PTPRF: variants seen among roughly 807,000 people sequenced by gnomAD.
PTPRF encodes receptor-type tyrosine-protein phosphatase F.
In PTPRF, 59 loss-of-function variants were observed where a neutral mutation model predicts 201.8. That is an observed-to-expected ratio of 0.29 (90% CI 0.24 to 0.36). The LOEUF (loss-of-function observed/expected upper bound fraction) is 0.36, where lower values mean the gene tolerates loss of function less well. Ranked by LOEUF, PTPRF falls within the 10% of genes least tolerant of loss-of-function variation. The pLI, the probability that PTPRF is intolerant of heterozygous loss-of-function variation, is 1.00. For missense variants in PTPRF, 2,132 were observed against 2,690.5 expected, an observed-to-expected ratio of 0.79 and a Z score of 4.59; for synonymous variants, 1,088 against 1,089.7, an observed-to-expected ratio of 1.00 and a Z score of 0.03.
At chr1:43,529,830 A>G (rs538368362), upstream of PTPRF, among the ~76,000 whole-genome samples, 14 of 152,332 alleles carry the variant, frequency 9.2e-5, no homozygotes, top group African/African-American at 3.1e-4. Flanking sequence ...TTCTAGGGTC[A>G]TTATTTGAGT....
At position 43,603,813 on chromosome 1, in the gene PTPRF, C is replaced by T. The variant is rs375742155; in HGVS notation, c.2661C>T (p.Thr887=). The change falls in exon 16 of 34, where the codon ACC becomes ACT. Residue 887 remains threonine (T), a synonymous_variant. Transcript: ENST00000359947. The surrounding 1 kb of genome is among the most constrained non-coding windows in gnomAD (Gnocchi z 5.8). ...TCACCGGCCTGCACAAGGGGACCAC[C>T]TACATCTTCCGGCTTGCTGCCAAGA... ...FTVTGLHKGT[T]YIFRLAAKNR... is the part of the protein sequence containing the mutation. 727 of 1,614,026 alleles carry T rather than the reference C, an allele frequency of 4.5e-4. 3 individuals are homozygous for T. The highest frequency in any genetic ancestry group is 5.9e-4 in the Non-Finnish European group (691 of 1,180,040).
chr1:43,587,061 C>T (rs1008555254), intron 7 of PTPRF, among the ~76,000 whole-genome samples: 2 of 152,196 alleles, frequency 1.3e-5, no homozygotes, highest in African/African-American at 4.8e-5. Context: ...ACCTGTCAGG[C>T]CTGGTCTCTG....
In PTPRF at chr1:43,588,168, C is replaced by A. The variant is rs553094109; in HGVS notation, c.680-563C>A. On this transcript the variant is annotated intron_variant, in intron 7 of 33. Transcript: ENST00000359947. The surrounding 1 kb of genome is among the most constrained non-coding windows in gnomAD (Gnocchi z 5.3). The stretch of plus-strand genomic sequence containing the variant: ...TGAGCATGGCTGAGACCCTGGCAGG[C>A]GGCCCTGCTGCTTGCCTTATTTCTT... 6.6e-6 allele frequency among the ~76,000 whole-genome samples: 1 copy of A among 152,170 alleles called. No individual in the cohort carries two copies. Among genetic ancestry groups the A allele is most frequent in the Admixed American group, 6.5e-5 (1 of 15,282 alleles).
chr1:43,604,481 G>C, intron 16 of PTPRF, among the ~76,000 whole-genome samples: 1 of 152,120 alleles, frequency 6.6e-6, no homozygotes, highest in East Asian at 1.9e-4. Flanking sequence ...GCAACCTCCT[G>C]ATCTTTGGTG....
chr1:43,585,336 G>A (rs1478770951), intron 7 of PTPRF, among the ~76,000 whole-genome samples: 1 of 152,166 alleles, frequency 6.6e-6, no homozygotes, highest in Non-Finnish European at 1.5e-5. Flanking sequence ...AATACAAGGA[G>A]GTTGTCCCTT....
chr1:43,598,988 A>T, intron 13 of PTPRF, 75 bp downstream of exon 13: 1 of 1,482,626 alleles, frequency 6.7e-7, no homozygotes, highest in Non-Finnish European at 9.2e-7. Flanking sequence ...TGGGGCCCAG[A>T]TATGTCCCTC....
At chr1:43,551,510 G>T (rs751202743) in intron 3 of PTPRF, among the ~76,000 whole-genome samples, 8 of 152,088 alleles carry the variant, frequency 5.3e-5, no homozygotes, top group Non-Finnish European at 8.8e-5. Context: ...GCCTCCCTGA[G>T]CTGGCTGCCC....
intron 5 of PTPRF, among the ~76,000 whole-genome samples, chr1:43,568,992 G>A (rs950269705): frequency 6.6e-6 from 1 of 152,230 alleles, no homozygotes; most frequent in Admixed American, 6.5e-5. Flanking sequence ...CTGCAGTAAC[G>A]AATAGGTCAA....
chr1:43,593,503 G>A (rs1651418136), intron 11 of PTPRF, among the ~76,000 whole-genome samples: 1 of 152,250 alleles, frequency 6.6e-6, no homozygotes, highest in Admixed American at 6.5e-5. Flanking sequence ...GACTCTGTGT[G>A]ATAGGGTGTC....
At chr1:43,597,354 G>A (rs12026752) in intron 11 of PTPRF, among the ~76,000 whole-genome samples, 16,499 of 152,028 alleles carry the variant, frequency 0.11, 1,084 homozygotes, top group African/African-American at 0.18. Flanking sequence ...ATGTATGTGT[G>A]TGACACTGTG....
intron 22 of PTPRF, chr1:43,612,731 G>T: frequency 7.4e-7 from 1 of 1,355,764 alleles, no homozygotes; most frequent in Non-Finnish European, 9.8e-7. Flanking sequence ...TTGCCCCGTT[G>T]TTTTTTTCGT....
Position 43,588,823 on chromosome 1 carries a change from G to A in PTPRF, c.772G>A (p.Ala258Thr). Residue 258 changes from alanine (A) to threonine (T), a missense_variant, in exon 8 of 34, where the codon GCA (alanine) becomes ACA (threonine). Physicochemically the swap from Ala to Thr is moderately conservative, Grantham distance 58 (BLOSUM62 0). Around this residue, in one of 6 missense-constraint regions of PTPRF, gnomAD observed 297 missense variants for 454.0 expected, o/e 0.65. Transcript: ENST00000359947. The surrounding 1 kb of genome is among the most constrained non-coding windows in gnomAD (Gnocchi z 5.3). Reference sequence around the variant, plus strand: ...GAACCTGACATGCGTGGCAGTGGGTGCACCCATGCCCTACGTGAAGTGGAT... The same window carrying A: ...GAACCTGACATGCGTGGCAGTGGGTACACCCATGCCCTACGTGAAGTGGAT... ...SVNLTCVAVGAPMPYVKWMMG... is the reference protein window; with the variant it reads ...SVNLTCVAVGTPMPYVKWMMG... 2 of 1,614,112 alleles carry A rather than the reference G, an allele frequency of 1.2e-6. No homozygotes were observed. The highest frequency in any genetic ancestry group is 4.5e-5 in the East Asian group (2 of 44,880).
At position 43,572,072 on chromosome 1, in the gene PTPRF, CG is replaced by C. The variant is rs1222493807; in HGVS notation, c.568+2296del. 3.9e-5 allele frequency among the ~76,000 whole-genome samples: 6 copies of C among 152,338 alleles called. No individual in the cohort carries two copies. In the South Asian group the frequency reaches 1.2e-3, roughly 32 times the overall value. Reference sequence around the variant, plus strand: ...CCCGTCCTTGGTCCTTGCCCACCTCCGGCCCTCTGCTCACCTTCCGGCTGCT... The same window carrying C: ...CCCGTCCTTGGTCCTTGCCCACCTCCGCCCTCTGCTCACCTTCCGGCTGCT... On this transcript the variant is annotated intron_variant, in intron 6 of 33. Transcript: ENST00000359947.
At chr1:43,587,107 G>A (rs11210877) in intron 7 of PTPRF, among the ~76,000 whole-genome samples, 39,545 of 152,140 alleles carry the variant, frequency 0.26, 6,091 homozygotes, top group East Asian at 0.48. Context: ...TGGAGCACCA[G>A]AGTAAGGCAG....
chr1:43,609,560 C>T (rs952642802), intron 22 of PTPRF, 62 bp downstream of exon 22: 11 of 1,272,192 alleles, frequency 8.6e-6, no homozygotes, highest in Non-Finnish European at 1.2e-5. Flanking sequence ...TGGGTCTGTT[C>T]TGCAGGTCTC....
In PTPRF at chr1:43,605,217, G is replaced by C; in HGVS notation, c.3163G>C (p.Val1055Leu). ...KILYNGQSVEVDGHSMRKLIA... is the reference protein window; with the variant it reads ...KILYNGQSVELDGHSMRKLIA... ...TCTGTACAATGGGCAGAGTGTGGAGGTGGACGGGCACTCGATGCGGAAGCT... is the reference window on the plus strand; with the variant it reads ...TCTGTACAATGGGCAGAGTGTGGAGCTGGACGGGCACTCGATGCGGAAGCT... The change falls in exon 18 of 34, where the codon GTG becomes CTG. Residue 1055 changes from valine (V) to leucine (L), a missense_variant. Val to Leu is a conservative substitution (Grantham distance 32). Coordinates refer to ENST00000359947, the MANE Select transcript of PTPRF (RefSeq NM_002840.5). 1.9e-6 allele frequency: 3 copies of C among 1,604,688 alleles called. No individual in the cohort carries two copies. The highest frequency in any genetic ancestry group is 2.6e-6 in the Non-Finnish European group (3 of 1,172,746).
At chr1:43,604,418 CTT>C (rs902141612) in intron 16 of PTPRF, among the ~76,000 whole-genome samples, 2 of 152,228 alleles carry the variant, frequency 1.3e-5, no homozygotes, top group African/African-American at 2.4e-5. Context: ...CTTCTGATCT[CTT>C]GTGACCTTGA....
At chr1:43,539,284 G>GT (rs1304802789) in intron 2 of PTPRF, among the ~76,000 whole-genome samples, 1 of 152,182 alleles carries the variant, frequency 6.6e-6, no homozygotes, top group Non-Finnish European at 1.5e-5. Context: ...AGCATTTAAG[G>GT]AGGGTTTGCG....
In PTPRF at chr1:43,563,109, C is replaced by T. The variant is rs183289384; in HGVS notation, c.380-6481C>T. On this transcript the variant is annotated intron_variant, in intron 5 of 33. Transcript: ENST00000359947. Reference sequence around the variant, plus strand: ...ATAAGAATTGCTTGAACCCGGGAGGCAGAGGTTGCAGTGATATGAGATGGC... The same window carrying T: ...ATAAGAATTGCTTGAACCCGGGAGGTAGAGGTTGCAGTGATATGAGATGGC... 1.8e-3 allele frequency among the ~76,000 whole-genome samples: 272 copies of T among 150,556 alleles called. 4 individuals are homozygous for T. Among genetic ancestry groups the T allele is most frequent in the African/African-American group, 6.2e-3 (255 of 40,826 alleles).
Sources: allele counts gnomAD v4.1 joint callset (sites outside exome capture counted in the v4.1 genomes callset), GRCh38; gene constraint gnomAD v4.1.1; regional missense constraint gnomAD v4.1.1; non-coding constraint Gnocchi (gnomAD v3.1); transcripts MANE v1.5; gene names NCBI Gene and HGNC (gene_info 2026-07-23, HGNC 2026-07-21).